Variants in IGF1R observed in about 807,000 individuals in gnomAD.
IGF1R encodes the protein insulin like growth factor 1 receptor, also known as insulin-like growth factor 1 receptor.
In IGF1R, 44 loss-of-function variants were observed where a neutral mutation model predicts 144.6. The ratio of observed to expected loss-of-function variants is 0.30; its 90% confidence interval spans 0.24 to 0.39. The LOEUF (loss-of-function observed/expected upper bound fraction) is 0.39, where lower values mean the gene tolerates loss of function less well. IGF1R is among the 10% of genes least tolerant of loss of function. The pLI is 1.00. For missense variants in IGF1R, 1,355 were observed against 1,833.7 expected (o/e 0.74, Z 4.77); for synonymous variants, 795 against 722.8 (o/e 1.10, Z -1.60).
At position 98,957,314 on chromosome 15, in the gene IGF1R, G is replaced by C. The variant is rs777341351; in HGVS notation, c.3976G>C (p.Glu1326Gln). 1 of 1,612,846 alleles carries C rather than the reference G, an allele frequency of 6.2e-7. No individual in the cohort carries two copies. Among genetic ancestry groups the C allele is most frequent in the Non-Finnish European group, 8.5e-7 (1 of 1,179,130 alleles). ...LPDRHSGHKA[E>Q]NGPGPGVLVL... Reference sequence around the variant, plus strand: ...CGACAGACACTCAGGACACAAGGCCGAGAACGGCCCCGGCCCTGGGGTGCT... The same window carrying C: ...CGACAGACACTCAGGACACAAGGCCCAGAACGGCCCCGGCCCTGGGGTGCT... The change falls in exon 21 of 21, where the codon GAG becomes CAG. Residue 1326 changes from glutamate (E) to glutamine (Q), a missense_variant. Glu to Gln is a conservative substitution (Grantham distance 29). Around this residue, in one of 7 missense-constraint regions of IGF1R, gnomAD observed 219 missense variants for 188.8 expected, o/e 1.16. Transcript: ENST00000650285.
intron 2 of IGF1R, among the ~76,000 whole-genome samples, chr15:98,752,985 G>T (rs1328359809): frequency 7.1e-6 from 1 of 140,502 alleles, no homozygotes; most frequent in Non-Finnish European, 1.5e-5. Flanking sequence ...GCCCAGGCTG[G>T]AGTGCAGTGA....
intron 1 of IGF1R, among the ~76,000 whole-genome samples, chr15:98,678,921 CTTTTTT>C (rs60694188): frequency 4.1e-4 from 54 of 130,146 alleles, no homozygotes; most frequent in Non-Finnish European, 4.0e-4. Flanking sequence ...CTCTGATGCT[CTTTTTT>C]TTTTTTTTTT....
chr15:98,723,484 G>T (rs1005507219), intron 2 of IGF1R, among the ~76,000 whole-genome samples: 3 of 152,230 alleles, frequency 2.0e-5, no homozygotes, highest in South Asian at 2.1e-4. Context: ...TAAATTGATT[G>T]CATCTTTCAG....
At chr15:98,717,753 A>G (rs2054153764) in intron 2 of IGF1R, among the ~76,000 whole-genome samples, 1 of 152,192 alleles carries the variant, frequency 6.6e-6, no homozygotes, top group African/African-American at 2.4e-5. Context: ...TAAATCATTA[A>G]ATACCATATT....
At chr15:98,774,549 G>A (rs1218094986) in intron 2 of IGF1R, among the ~76,000 whole-genome samples, 2 of 152,162 alleles carry the variant, frequency 1.3e-5, no homozygotes, top group South Asian at 2.1e-4. Flanking sequence ...ATGCAACAGC[G>A]TGAATGAACC....
At chr15:98,817,681 G>C (rs757677703) in intron 2 of IGF1R, among the ~76,000 whole-genome samples, 2 of 152,218 alleles carry the variant, frequency 1.3e-5, no homozygotes, top group African/African-American at 2.4e-5. Flanking sequence ...AGCTCAGGCT[G>C]CTTTGACAAA....
At chr15:98,883,354 T>G (rs1363381745) in intron 2 of IGF1R, among the ~76,000 whole-genome samples, 1 of 152,202 alleles carries the variant, frequency 6.6e-6, no homozygotes, top group Non-Finnish European at 1.5e-5. Flanking sequence ...GACAGAATCC[T>G]CTTGTCTTCA....
intron 2 of IGF1R, among the ~76,000 whole-genome samples, chr15:98,811,027 G>A (rs941719542): frequency 3.3e-5 from 5 of 151,992 alleles, no homozygotes; most frequent in African/African-American, 4.8e-5. Context: ...CTGGCTGGAC[G>A]CGGTGGCTCA....
chr15:98,763,279 C>T (rs2055353166), intron 2 of IGF1R, among the ~76,000 whole-genome samples: 1 of 152,076 alleles, frequency 6.6e-6, no homozygotes, highest in South Asian at 2.1e-4. Context: ...TGTTTTGTTC[C>T]AGTCTGGCTT....
Position 98,748,530 on chromosome 15 carries a change from A to G in IGF1R, c.640+40423A>G, listed in dbSNP as rs182211879. 9.3e-3 allele frequency among the ~76,000 whole-genome samples: 1,412 copies of G among 152,298 alleles called. 14 individuals carry two copies. Among genetic ancestry groups the G allele is most frequent in the Non-Finnish European group, 0.012 (788 of 68,030 alleles). On this transcript the variant is annotated intron_variant, in intron 2 of 20. Coordinates refer to ENST00000650285, the MANE Select transcript of IGF1R (RefSeq NM_000875.5). ...TACTCATTAGGTGCATTCTTTAGCA[A>G]TTATGTGTAAAGTGGAAATGAGCGT...
chr15:98,795,715 A>C (rs1363328565), intron 2 of IGF1R, among the ~76,000 whole-genome samples: 1 of 152,064 alleles, frequency 6.6e-6, no homozygotes, highest in Non-Finnish European at 1.5e-5. Context: ...TGCGCCTATT[A>C]TGTGTTTCTT....
chr15:98,892,673 CT>C (rs1402265915), intron 3 of IGF1R, among the ~76,000 whole-genome samples: 1 of 152,020 alleles, frequency 6.6e-6, no homozygotes, highest in Admixed American at 6.6e-5. Flanking sequence ...ATAACTATAA[CT>C]TTGAAAGCAA....
intron 1 of IGF1R, among the ~76,000 whole-genome samples, chr15:98,665,363 C>G (rs754323899): frequency 2.0e-5 from 3 of 152,172 alleles, no homozygotes; most frequent in Non-Finnish European, 4.4e-5. Context: ...CATCTGCCTC[C>G]GTTTGAAGCA....
chr15:98,908,402 T>C (rs2014835629), intron 5 of IGF1R, among the ~76,000 whole-genome samples: 1 of 152,258 alleles, frequency 6.6e-6, no homozygotes, highest in Non-Finnish European at 1.5e-5. Flanking sequence ...TTGGGAATGA[T>C]TCTAGTAACA....
At chr15:98,656,735 T>C (rs1051798396) in intron 1 of IGF1R, among the ~76,000 whole-genome samples, 5 of 151,866 alleles carry the variant, frequency 3.3e-5, no homozygotes, top group Admixed American at 6.5e-5. Context: ...CTTAATACCA[T>C]AGGTCTCTAC....
chr15:98,753,541 T>C (rs2055075050), intron 2 of IGF1R, among the ~76,000 whole-genome samples: 1 of 151,988 alleles, frequency 6.6e-6, no homozygotes, highest in Non-Finnish European at 1.5e-5. Flanking sequence ...CCAATAATTA[T>C]ATAAATTTTG....
chr15:98,712,635 GTC>G (rs2054019764), intron 2 of IGF1R, among the ~76,000 whole-genome samples: 3 of 149,584 alleles, frequency 2.0e-5, no homozygotes, highest in Non-Finnish European at 4.4e-5. Context: ...TGGAGAAAGA[GTC>G]TTACTCTGTC....
intron 2 of IGF1R, among the ~76,000 whole-genome samples, chr15:98,795,288 CTTAAA>C (rs937715698): frequency 2.8e-4 from 43 of 152,306 alleles, no homozygotes; most frequent in East Asian, 1.2e-3. Context: ...GCCGTCTAGA[CTTAAA>C]TTAAATTCAT....
chr15:98,860,637 A>G (rs1163716226), intron 2 of IGF1R, among the ~76,000 whole-genome samples: 3 of 152,224 alleles, frequency 2.0e-5, no homozygotes, highest in African/African-American at 7.2e-5. Flanking sequence ...TGCATAATAC[A>G]GTGATACCCT....
Sources: allele counts gnomAD v4.1 joint callset (sites outside exome capture counted in the v4.1 genomes callset), GRCh38; gene constraint gnomAD v4.1.1; regional missense constraint gnomAD v4.1.1; transcripts MANE v1.5; gene names NCBI Gene and HGNC (gene_info 2026-07-23, HGNC 2026-07-21).